Variants in CPA6 observed in about 807,000 individuals in gnomAD.
CPA6 encodes the protein carboxypeptidase A6, also known as carboxypeptidase B.
CPA6 carries 58 observed loss-of-function variants against 63.3 expected under a neutral mutation model. The observed-to-expected ratio is 0.92, with a 90% CI of 0.74 to 1.14. CPA6 has a LOEUF of 1.14. Ranked by LOEUF, CPA6 falls within the 50% of genes most tolerant of loss-of-function variation. CPA6 has a pLI of 0.00. For synonymous variants in CPA6, 185 were observed against 179.0 expected (o/e 1.03, Z -0.27); for missense variants, 565 against 526.6 (o/e 1.07, Z -0.71).
chr8:67,689,217 G>C (rs894767760), intron 1 of CPA6, among the ~76,000 whole-genome samples: 5 of 151,952 alleles, frequency 3.3e-5, no homozygotes, highest in African/African-American at 1.2e-4. Flanking sequence ...TCTAGTTATA[G>C]ACATGTACAT....
chr8:67,429,335 T>A (rs183484363), intron 9 of CPA6, among the ~76,000 whole-genome samples: 1 of 152,346 alleles, frequency 6.6e-6, no homozygotes, highest in East Asian at 1.9e-4. Context: ...AGAGAAGTAT[T>A]ACATGACAAA....
chr8:67,427,399 G>T (rs1467453607), intron 10 of CPA6, among the ~76,000 whole-genome samples: 1 of 152,090 alleles, frequency 6.6e-6, no homozygotes, highest in Non-Finnish European at 1.5e-5. Flanking sequence ...CTGTTATGAA[G>T]ATCCTGTACA....
At chr8:67,633,311 G>T (rs1306725938) in intron 1 of CPA6, among the ~76,000 whole-genome samples, 1 of 152,102 alleles carries the variant, frequency 6.6e-6, no homozygotes, top group Non-Finnish European at 1.5e-5. Context: ...CATAATATAT[G>T]TGAATTTATT....
intron 6 of CPA6, among the ~76,000 whole-genome samples, chr8:67,497,986 C>T (rs1271612089): frequency 6.6e-6 from 1 of 152,102 alleles, no homozygotes; most frequent in African/African-American, 2.4e-5. Flanking sequence ...ATTTTCAAGT[C>T]CATTACTTTT....
intron 1 of CPA6, among the ~76,000 whole-genome samples, chr8:67,631,671 A>G (rs1365696702): frequency 6.6e-6 from 1 of 152,176 alleles, no homozygotes; most frequent in Non-Finnish European, 1.5e-5. Context: ...GTTCTCTTCC[A>G]CCCTGTGTAA....
intron 2 of CPA6, among the ~76,000 whole-genome samples, chr8:67,520,106 T>C (rs1275227329): frequency 6.6e-6 from 1 of 152,178 alleles, no homozygotes; most frequent in Non-Finnish European, 1.5e-5. Flanking sequence ...CAGATTTTTT[T>C]ATATTAAGGA....
intron 3 of CPA6, among the ~76,000 whole-genome samples, chr8:67,513,634 T>C (rs1812085842): frequency 6.6e-6 from 1 of 152,154 alleles, no homozygotes; most frequent in Admixed American, 6.6e-5. Context: ...TTCAGTAACT[T>C]ACATTGCACC....
chr8:67,452,068 GAC>G (rs1401501229), intron 8 of CPA6, among the ~76,000 whole-genome samples: 13 of 152,156 alleles, frequency 8.5e-5, no homozygotes, highest in African/African-American at 3.1e-4. Flanking sequence ...TTTCCTCCCA[GAC>G]TGTATAAAAA....
chr8:67,728,440 T>C (rs13261741), intron 1 of CPA6, among the ~76,000 whole-genome samples: 15,140 of 152,206 alleles, frequency 0.099, 817 homozygotes, highest in South Asian at 0.13. Flanking sequence ...AAAAATTATT[T>C]ATAGACATTT....
intron 1 of CPA6, among the ~76,000 whole-genome samples, chr8:67,640,802 A>G (rs1815574323): frequency 6.6e-6 from 1 of 151,354 alleles, no homozygotes; most frequent in South Asian, 2.1e-4. Flanking sequence ...TCCTGTCTGC[A>G]TTTTCCCCAG....
At chr8:67,680,125 C>A (rs1361989398) in intron 1 of CPA6, among the ~76,000 whole-genome samples, 3 of 152,128 alleles carry the variant, frequency 2.0e-5, no homozygotes, top group Non-Finnish European at 4.4e-5. Context: ...GTGAGAACGC[C>A]ATTGGTTTCC....
chr8:67,619,996 T>C (rs1351849532), intron 2 of CPA6, among the ~76,000 whole-genome samples: 1 of 152,228 alleles, frequency 6.6e-6, no homozygotes, highest in Non-Finnish European at 1.5e-5. Context: ...AACCTAGTGG[T>C]CCTATAACAG....
intron 8 of CPA6, among the ~76,000 whole-genome samples, chr8:67,435,090 G>A (rs564100008): frequency 5.9e-5 from 9 of 152,338 alleles, no homozygotes; most frequent in Non-Finnish European, 8.8e-5. Flanking sequence ...GAGGCTCAGA[G>A]GAAGGACAGT....
chr8:67,616,523 G>A (rs1814955013), intron 2 of CPA6, among the ~76,000 whole-genome samples: 1 of 148,868 alleles, frequency 6.7e-6, no homozygotes, highest in African/African-American at 2.6e-5. Flanking sequence ...GTGTGTGTGT[G>A]TGTGTGTGTG....
chr8:67,560,632 GA>G (rs1813186967), intron 2 of CPA6, among the ~76,000 whole-genome samples: 1 of 152,090 alleles, frequency 6.6e-6, no homozygotes, highest in South Asian at 2.1e-4. Flanking sequence ...GAAAAGGGGG[GA>G]AAGGGTTGAA....
chr8:67,533,799 C>T (rs1022447522), intron 2 of CPA6, among the ~76,000 whole-genome samples: 4 of 152,226 alleles, frequency 2.6e-5, no homozygotes, highest in African/African-American at 9.6e-5. Flanking sequence ...ACTCCTCACT[C>T]CCTTCCTAAG....
rs150741607 is a variant in CPA6 at position 67,553,982 on chromosome 8, A to G, written c.193-35935T>C. Among the ~76,000 whole-genome samples, 696 of 152,326 alleles carry G rather than the reference A, an allele frequency of 4.6e-3. 4 individuals are homozygous for G. Among genetic ancestry groups the G allele is most frequent in the African/African-American group, 0.016 (650 of 41,574 alleles). ...GAAGGGTATATGTATATGTGCTTAC[A>G]TGTCTGTCTACTTATCTATTTACCA... On this transcript the variant is annotated intron_variant, in intron 2 of 10. Transcript: ENST00000297770.
chr8:67,564,007 C>T (rs1226507499), intron 2 of CPA6, among the ~76,000 whole-genome samples: 2 of 152,090 alleles, frequency 1.3e-5, no homozygotes, highest in Non-Finnish European at 2.9e-5. Context: ...ATATACTGGT[C>T]CTAATATACT....
intron 8 of CPA6, among the ~76,000 whole-genome samples, chr8:67,475,833 TTCTTTC>T (rs1811186751): frequency 2.6e-5 from 2 of 76,864 alleles, no homozygotes; most frequent in Non-Finnish European, 4.9e-5. Flanking sequence ...TTTTCTTTCT[TTCTTTC>T]TTTCTTTCTT....
Sources: gnomAD v4.1 joint callset for allele counts (sites outside exome capture counted in the v4.1 genomes callset) on GRCh38, gnomAD v4.1.1 for gene constraint, MANE v1.5 for transcripts, NCBI Gene and HGNC (gene_info 2026-07-23, HGNC 2026-07-21) for gene names.